The following DST variants were observed in gnomAD, a reference collection of about 807,000 sequenced individuals.
The protein encoded by DST is dystonin, also known as bullous pemphigoid antigen.
Under a neutral mutation model 875.2 loss-of-function variants are expected in DST, and 253 were observed. That is an observed-to-expected ratio of 0.29 (90% CI 0.26 to 0.32). The LOEUF (loss-of-function observed/expected upper bound fraction) is 0.32, where lower values mean the gene tolerates loss of function less well. Among genes scored for constraint, DST ranks in the 10% least tolerant of loss-of-function variants. The pLI, the probability that DST is intolerant of heterozygous loss-of-function variation, is 1.00. For synonymous variants in DST, 3,124 were observed against 3,197.1 expected (o/e 0.98, Z 0.77); for missense variants, 8,287 against 9,111.6 (o/e 0.91, Z 3.68).
chr6:56,699,585 T>C (rs2099283691), intron 9 of DST, 68 bp downstream of exon 9: 4 of 713,280 alleles, frequency 5.6e-6, no homozygotes, highest in African/African-American at 1.8e-5. Flanking sequence ...GAATGCATCA[T>C]TCACCCTTCA....
intron 50 of DST, among the ~76,000 whole-genome samples, chr6:56,577,438 G>T (rs947154824): frequency 2.6e-5 from 4 of 152,190 alleles, no homozygotes; most frequent in African/African-American, 9.6e-5. Context: ...ATATTTTTGT[G>T]TTTTATAATT....
chr6:56,930,266 T>C (rs771455518), intron 2 of DST, among the ~76,000 whole-genome samples: 2 of 152,234 alleles, frequency 1.3e-5, no homozygotes, highest in Non-Finnish European at 2.9e-5. Flanking sequence ...AGCAAAGCTA[T>C]TACCTAGATT....
Position 56,618,199 on chromosome 6 carries a change from T to G in DST, c.4930-3715A>C, listed in dbSNP as rs754355507. ...ACTGCTGGCTTTTCTCTTTCTCGAG[T>G]GGAGCCCCTGGTGGCTGGAATTGGA... On this transcript the variant is annotated intron_variant, in intron 36 of 103. Coordinates refer to ENST00000680361, the MANE Select transcript of DST (RefSeq NM_001374736.1). The G allele has an allele frequency of 4.1e-5, 66 of 1,613,980 alleles. No homozygotes were observed. Among genetic ancestry groups the G allele is most frequent in the Non-Finnish European group, 5.3e-5 (62 of 1,180,020 alleles).
chr6:56,693,031 G>T, intron 9 of DST: 1 of 1,289,598 alleles, frequency 7.8e-7, no homozygotes. Flanking sequence ...TTTTTTGATC[G>T]GTTTTCTTCT....
intron 37 of DST, among the ~76,000 whole-genome samples, chr6:56,612,541 C>T (rs550299712): frequency 1.6e-4 from 24 of 152,200 alleles, no homozygotes; most frequent in African/African-American, 5.5e-4. Flanking sequence ...TTTCCAAATC[C>T]CTTATTTCAG....
Position 56,851,384 on chromosome 6 carries a change from C to T in DST, c.625+13G>A, listed in dbSNP as rs1562176084. ...TCTTCCCCCACTCCATCCCCTTCCC[C>T]AGATGCTCTTACCTGCTATCCGAAG... On this transcript the variant is annotated intron_variant, in intron 4 of 103. Coordinates refer to ENST00000680361, the MANE Select transcript of DST (RefSeq NM_001374736.1). The T allele has an allele frequency of 6.2e-7, 1 of 1,610,810 alleles. No homozygotes were observed. Among genetic ancestry groups the T allele is most frequent in the East Asian group, 2.2e-5 (1 of 44,854 alleles).
chr6:56,495,913 C>T (rs1324878065), intron 82 of DST, among the ~76,000 whole-genome samples: 1 of 151,994 alleles, frequency 6.6e-6, no homozygotes, highest in East Asian at 1.9e-4. Context: ...ATGGTTACGC[C>T]CTCCTCAAAT....
chr6:56,843,672 A>C (rs1485167049), intron 4 of DST: 1 of 980,716 alleles, frequency 1.0e-6, no homozygotes, highest in Non-Finnish European at 1.2e-6. Context: ...GCCGCGCCGC[A>C]GACACTCGCC....
intron 3 of DST, among the ~76,000 whole-genome samples, chr6:56,877,413 G>C (rs142626691): frequency 4.6e-5 from 7 of 152,198 alleles, no homozygotes; most frequent in African/African-American, 1.7e-4. Context: ...AAAATTAGCC[G>C]GGCATGGTGG....
intron 4 of DST, among the ~76,000 whole-genome samples, chr6:56,784,901 T>C (rs2099701943): frequency 6.6e-6 from 1 of 152,198 alleles, no homozygotes; most frequent in Non-Finnish European, 1.5e-5. Flanking sequence ...CAGATGGGTT[T>C]TTGGTGTGGA....
chr6:56,463,147 G>C lies in DST; in HGVS notation c.22969C>G (p.Pro7657Ala). The change falls in exon 102 of 104, where the codon CCT (proline) becomes GCT (alanine). Residue 7657 changes from proline (P) to alanine (A), a missense_variant. Transcript: ENST00000680361. The stretch of plus-strand genomic sequence containing the variant: ...GGTTTACCATAATTGCGTGTTAAAG[G>C]ATGGAGAATCTGTATGGAACAATGG... ...PATTTPKILHPLTRNYGKPWL... is the reference protein window; with the variant it reads ...PATTTPKILHALTRNYGKPWL... 1 of 1,605,536 alleles carries C rather than the reference G, an allele frequency of 6.2e-7. No homozygotes were observed. The highest frequency in any genetic ancestry group is 8.5e-7 in the Non-Finnish European group (1 of 1,172,348).
intron 9 of DST, among the ~76,000 whole-genome samples, chr6:56,698,391 T>C (rs1455622891): frequency 1.3e-5 from 2 of 151,766 alleles, no homozygotes; most frequent in East Asian, 3.9e-4. Context: ...AGTGGCGCAA[T>C]CTCAGCTCAC....
intron 10 of DST, 195 bp downstream of exon 10, chr6:56,670,446 A>C: frequency 2.5e-6 from 1 of 396,446 alleles, no homozygotes; most frequent in Non-Finnish European, 4.4e-6. Context: ...CAATCTACCC[A>C]CTTTGGCTTC....
rs2097399098 is a variant in DST at position 56,555,471 on chromosome 6, T to C, written c.15010A>G (p.Ile5004Val). 1 of 1,614,054 alleles carries C rather than the reference T, an allele frequency of 6.2e-7. No individual in the cohort carries two copies. Among genetic ancestry groups the C allele is most frequent in the Non-Finnish European group, 8.5e-7 (1 of 1,179,902 alleles). Residue 5004 changes from isoleucine (I) to valine (V), a missense_variant, in exon 60 of 104, where the codon ATA becomes GTA. By Grantham distance (29) the Ile-to-Val change is conservative (BLOSUM62 3). Transcript: ENST00000680361. Reference protein sequence around the residue: ...KQEIQQEKKQIKVAQALCEDL... With the variant: ...KQEIQQEKKQVKVAQALCEDL... ...TCACAGAGTGCCTGGGCCACTTTTA[T>C]CTGCTTCTTTTCCTGCTGTATCTCC...
At chr6:56,701,573 T>C (rs1283024841) in intron 8 of DST, among the ~76,000 whole-genome samples, 1 of 152,186 alleles carries the variant, frequency 6.6e-6, no homozygotes, top group South Asian at 2.1e-4. Flanking sequence ...TAGGCATTCT[T>C]AACATTCTAT....
chr6:56,618,976 C>T lies in DST; in HGVS notation c.4930-4492G>A, dbSNP rs143594621. On this transcript the variant is annotated intron_variant, in intron 36 of 103. Coordinates refer to ENST00000680361, the MANE Select transcript of DST (RefSeq NM_001374736.1). ...TCTCTTCTTTGGAAGCATTCAGTTC[C>T]GCATTCAGATTTCTAACTTCTTTCT... 71 of 1,614,030 alleles carry T rather than the reference C, an allele frequency of 4.4e-5. No individual in the cohort carries two copies. Among genetic ancestry groups the T allele is most frequent in the African/African-American group, 8.0e-5 (6 of 74,916 alleles).
chr6:56,584,137 T>C (rs890263827), intron 49 of DST, among the ~76,000 whole-genome samples: 4 of 152,124 alleles, frequency 2.6e-5, no homozygotes, highest in African/African-American at 7.2e-5. Flanking sequence ...AAGAAAGTCA[T>C]TGGTAGCTTG....
At chr6:56,585,574 T>A (rs2098130187) in intron 49 of DST, among the ~76,000 whole-genome samples, 1 of 152,090 alleles carries the variant, frequency 6.6e-6, no homozygotes, top group South Asian at 2.1e-4. Flanking sequence ...TTTTGAAGGG[T>A]TCTTTGTGTC....
rs2096570211 is a variant in DST, at chr6:56,515,450, C to T, written c.18576G>A (p.Arg6192=). The change falls in exon 72 of 104, where the codon CGG becomes CGA. Residue 6192 remains arginine (R), a splice_region_variant and synonymous_variant. Transcript: ENST00000680361. The stretch of plus-strand genomic sequence containing the variant: ...ATATTCTCTTTCACACCAGGCTTAC[C>T]CGATGTTCTTCCTGCTGCTGCCTTA... The part of the protein sequence containing the change: ...ETLRQQQEEH[R]QLRELIAEHK... 1.2e-6 allele frequency: 2 copies of T among 1,613,614 alleles called. No homozygotes were observed. The highest frequency in any genetic ancestry group is 1.7e-6 in the Non-Finnish European group (2 of 1,179,702).
Sources: gnomAD v4.1 joint callset for allele counts (sites outside exome capture counted in the v4.1 genomes callset) on GRCh38, gnomAD v4.1.1 for gene constraint, MANE v1.5 for transcripts, NCBI Gene and HGNC (gene_info 2026-07-23, HGNC 2026-07-21) for gene names.